The following CLDN14 variants were observed in gnomAD, a reference collection of about 807,000 sequenced individuals.
CLDN14 encodes claudin 14, also known as claudin-14.
CLDN14 carries 2 observed loss-of-function variants against 2.1 expected under a neutral mutation model. The observed-to-expected ratio is 0.96, with a 90% confidence interval of 0.39 to 3.01. CLDN14 has a LOEUF of 3.01. Ranked by LOEUF, CLDN14 falls within the 30% of genes most tolerant of loss-of-function variation. CLDN14 has a pLI of 0.09. For missense variants in CLDN14, 298 were observed against 328.0 expected (o/e 0.91, Z 0.71); for synonymous variants, 136 against 154.4 (o/e 0.88, Z 0.88).
chr21:36,512,153 G>A (rs753243908), intron 1 of CLDN14, among the ~76,000 whole-genome samples: 36 of 152,292 alleles, frequency 2.4e-4, no homozygotes, highest in Non-Finnish European at 4.1e-4. Context: ...ACTAGCTCAG[G>A]GAGAGGGAGG....
At chr21:36,505,795 C>T (rs1298039996) in intron 2 of CLDN14, among the ~76,000 whole-genome samples, 1 of 152,206 alleles carries the variant, frequency 6.6e-6, no homozygotes, top group African/African-American at 2.4e-5. Flanking sequence ...CCATTGTTAA[C>T]CCCTTCCTGG....
chr21:36,476,920 G>A (rs2086786653), intron 1 of CLDN14, among the ~76,000 whole-genome samples: 1 of 152,264 alleles, frequency 6.6e-6, no homozygotes, highest in African/African-American at 2.4e-5. Context: ...AGAAATCCTT[G>A]TGTAAGCAAA....
At chr21:36,522,488 T>C (rs1380410258) in intron 1 of CLDN14, among the ~76,000 whole-genome samples, 1 of 152,054 alleles carries the variant, frequency 6.6e-6, no homozygotes, top group Non-Finnish European at 1.5e-5. Flanking sequence ...CAGCCAGGAA[T>C]TCCCTCCCCT....
intron 2 of CLDN14, among the ~76,000 whole-genome samples, chr21:36,505,661 CAGCCTAGCACT>C (rs2087126332): frequency 6.6e-6 from 1 of 152,342 alleles, no homozygotes; most frequent in East Asian, 1.9e-4. Flanking sequence ...TGTAGACAAT[CAGCCTAGCACT>C]GACTTTGGGA....
At chr21:36,488,184 A>G (rs1420151280) in intron 2 of CLDN14, among the ~76,000 whole-genome samples, 1 of 151,210 alleles carries the variant, frequency 6.6e-6, no homozygotes, top group Admixed American at 6.6e-5. Flanking sequence ...TGTTAAGTGA[A>G]ATATGCCCAT....
At chr21:36,568,370 G>A (rs569203409) in intron 1 of CLDN14, among the ~76,000 whole-genome samples, 2 of 152,320 alleles carry the variant, frequency 1.3e-5, no homozygotes, top group East Asian at 3.9e-4. Flanking sequence ...CATTGCCCCA[G>A]CCAACCCCTG....
intron 1 of CLDN14, among the ~76,000 whole-genome samples, chr21:36,530,666 C>T (rs775387345): frequency 5.3e-5 from 8 of 152,078 alleles, no homozygotes; most frequent in Non-Finnish European, 8.8e-5. Context: ...AGGGAGTGAC[C>T]GATTCCCACC....
chr21:36,531,421 C>T (rs552486950), intron 1 of CLDN14, among the ~76,000 whole-genome samples: 2 of 151,984 alleles, frequency 1.3e-5, no homozygotes, highest in African/African-American at 4.8e-5. Context: ...GCACGCACCA[C>T]CACGCTCAAA....
chr21:36,519,727 C>CAAA (rs755453511), intron 1 of CLDN14, among the ~76,000 whole-genome samples: 6 of 100,412 alleles, frequency 6.0e-5, no homozygotes, highest in African/African-American at 1.5e-4. Flanking sequence ...ACAACAACAA[C>CAAA]AACAACAAAA....
At chr21:36,509,294 A>G (rs939896759) in intron 2 of CLDN14, among the ~76,000 whole-genome samples, 1 of 152,160 alleles carries the variant, frequency 6.6e-6, no homozygotes, top group African/African-American at 2.4e-5. Context: ...AGGCTGGAGA[A>G]CGCAACTGGG....
chr21:36,506,169 A>G (rs2087130560), intron 2 of CLDN14, among the ~76,000 whole-genome samples: 2 of 152,224 alleles, frequency 1.3e-5, no homozygotes, highest in Non-Finnish European at 2.9e-5. Flanking sequence ...GTACATCCAC[A>G]CAGATTAGTA....
At chr21:36,534,857 C>G (rs538117536) in intron 1 of CLDN14, among the ~76,000 whole-genome samples, 3 of 152,134 alleles carry the variant, frequency 2.0e-5, no homozygotes, top group Non-Finnish European at 4.4e-5. Flanking sequence ...TGGGTTGCAT[C>G]TTTCCCAGCC....
chr21:36,501,332 C>CTTTTT (rs58458004), intron 2 of CLDN14, among the ~76,000 whole-genome samples: 1,450 of 48,416 alleles, frequency 0.03, 430 homozygotes, highest in South Asian at 0.062. Context: ...CAATATCTCA[C>CTTTTT]TTTTTTTTTT....
At chr21:36,515,270 C>G (rs1235931729) in intron 1 of CLDN14, among the ~76,000 whole-genome samples, 1 of 152,160 alleles carries the variant, frequency 6.6e-6, no homozygotes, top group Non-Finnish European at 1.5e-5. Context: ...CTCATAGCGG[C>G]ATTATTCACA....
At position 36,498,089 on chromosome 21, in the gene CLDN14, G is replaced by A. The variant is rs953322242; in HGVS notation, c.-82+12274C>T. 1.6e-4 allele frequency among the ~76,000 whole-genome samples: 25 copies of A among 151,526 alleles called. No homozygotes were observed. The highest frequency in any genetic ancestry group is 1.5e-5 in the Non-Finnish European group (1 of 67,928). ...ATCTTGGCTCACTGCAACCTCCACC[G>A]CCCGGGGTTCAAGCGATTCTCCTGT... is the stretch of plus-strand genomic sequence containing the variant. On this transcript the variant is annotated intron_variant, in intron 2 of 2. Coordinates refer to the CLDN14 transcript ENST00000342108. The surrounding 1 kb of genome is among the most constrained non-coding windows in gnomAD (Gnocchi z 4.9).
chr21:36,485,821 T>G, intron 2 of CLDN14: 1 of 448,286 alleles, frequency 2.2e-6, no homozygotes, highest in Non-Finnish European at 4.0e-6. Context: ...AGATCAGATA[T>G]AAACCTGATG....
chr21:36,512,504 T>A (rs1289294936), intron 1 of CLDN14, among the ~76,000 whole-genome samples: 1 of 152,202 alleles, frequency 6.6e-6, no homozygotes, highest in African/African-American at 2.4e-5. Flanking sequence ...GGCACATGAT[T>A]GAAAAGCTAG....
chr21:36,491,222 A>T (rs919686429), intron 2 of CLDN14, among the ~76,000 whole-genome samples: 1 of 152,184 alleles, frequency 6.6e-6, no homozygotes, highest in Non-Finnish European at 1.5e-5. Context: ...TAGGATCCCC[A>T]GATATCCTGA....
rs2087035577 is a variant in CLDN14, at chr21:36,497,181, GGAAGGGAGGGAA to G, written c.-82+13170_-82+13181del. Among the ~76,000 whole-genome samples, 2 of 5,822 alleles carry G rather than the reference GGAAGGGAGGGAA, an allele frequency of 3.4e-4. 1 individual carries two copies. Among genetic ancestry groups the G allele is most frequent in the Non-Finnish European group, 1.4e-3 (2 of 1,454 alleles). 3.8% of individuals were successfully genotyped at this position (5,822 alleles called of 152,430 possible). ...AGGGAGGGAGGGAGGAAGGGAGGGA[GGAAGGGAGGGAA>G]GGAGGGAGGGAGGAAGGGAGGGAGG... On this transcript the variant is annotated intron_variant, in intron 2 of 2. Coordinates refer to the CLDN14 transcript ENST00000342108.
Sources: gnomAD v4.1 joint callset for allele counts (sites outside exome capture counted in the v4.1 genomes callset) on GRCh38, gnomAD v4.1.1 for gene constraint, Gnocchi (gnomAD v3.1) non-coding constraint, MANE v1.5 for transcripts, NCBI Gene and HGNC (gene_info 2026-07-23, HGNC 2026-07-21) for gene names.